The following CTNNA3 variants were observed in gnomAD, a reference collection of about 807,000 sequenced individuals.
CTNNA3 encodes catenin alpha 3.
In CTNNA3, 76 loss-of-function variants were observed where a neutral mutation model predicts 95.7. The observed-to-expected ratio is 0.79, with a 90% CI of 0.66 to 0.96. CTNNA3 has a LOEUF of 0.96. CTNNA3 is among the 40% of genes least tolerant of loss of function. The pLI, the probability that CTNNA3 is intolerant of heterozygous loss-of-function variation, is 0.00. For synonymous variants in CTNNA3, 431 were observed against 374.4 expected (o/e 1.15, Z -1.74); for missense variants, 1,191 against 1,089.8 (o/e 1.09, Z -1.31).
intron 13 of CTNNA3, among the ~76,000 whole-genome samples, chr10:66,178,210 G>A (rs959624750): frequency 2.0e-5 from 3 of 150,762 alleles, no homozygotes; most frequent in Admixed American, 6.6e-5. Context: ...AAATTTGCAG[G>A]ACTTCTGCTA....
intron 15 of CTNNA3, among the ~76,000 whole-genome samples, chr10:66,061,383 T>C (rs989230161): frequency 6.6e-6 from 1 of 152,152 alleles, no homozygotes; most frequent in East Asian, 1.9e-4. Flanking sequence ...TATGAGTTTA[T>C]TGTGTTTGAA....
intron 11 of CTNNA3, among the ~76,000 whole-genome samples, chr10:66,468,911 AT>A (rs1244582347): frequency 2.6e-5 from 4 of 151,850 alleles, no homozygotes; most frequent in African/African-American, 7.3e-5. Context: ...ATCTTCCCAT[AT>A]TTTTTGATAT....
intron 15 of CTNNA3, among the ~76,000 whole-genome samples, chr10:66,061,452 G>A (rs547096355): frequency 4.6e-5 from 7 of 152,098 alleles, no homozygotes; most frequent in South Asian, 2.1e-4. Context: ...AACTGTGGCC[G>A]GATCCATATG....
chr10:67,264,294 A>C (rs927513047), intron 5 of CTNNA3, among the ~76,000 whole-genome samples: 1 of 152,038 alleles, frequency 6.6e-6, no homozygotes, highest in Non-Finnish European at 1.5e-5. Context: ...CAGACTCCTA[A>C]GTCATTGTTG....
intron 5 of CTNNA3, among the ~76,000 whole-genome samples, chr10:67,254,428 T>C (rs1413269605): frequency 1.3e-5 from 2 of 152,162 alleles, no homozygotes; most frequent in Admixed American, 1.3e-4. Flanking sequence ...TCACCATTCT[T>C]ATTGACAATA....
intron 11 of CTNNA3, among the ~76,000 whole-genome samples, chr10:66,479,364 T>C (rs1244036054): frequency 6.6e-6 from 1 of 152,082 alleles, no homozygotes; most frequent in Non-Finnish European, 1.5e-5. Flanking sequence ...CAAGAGATTT[T>C]TGGCTTTTAT....
intron 10 of CTNNA3, among the ~76,000 whole-genome samples, chr10:66,584,803 G>A (rs182958409): frequency 1.3e-5 from 2 of 152,110 alleles, no homozygotes; most frequent in East Asian, 1.9e-4. Flanking sequence ...GCTTTCAGGA[G>A]TATTTATTCT....
chr10:66,520,575 T>C (rs766440573), intron 11 of CTNNA3, 42 bp downstream of exon 11: 6 of 1,552,720 alleles, frequency 3.9e-6, no homozygotes, highest in Non-Finnish European at 5.3e-6. Context: ...TTTTATAAAA[T>C]TGACAAGAGA....
intron 10 of CTNNA3, among the ~76,000 whole-genome samples, chr10:66,598,066 C>T (rs1382576989): frequency 6.6e-6 from 1 of 151,826 alleles, no homozygotes; most frequent in African/African-American, 2.4e-5. Flanking sequence ...TTAAAAGGAA[C>T]ATTCAACATG....
At chr10:67,525,661 A>T (rs2133169235) in intron 4 of CTNNA3, among the ~76,000 whole-genome samples, 1 of 151,680 alleles carries the variant, frequency 6.6e-6, no homozygotes, top group South Asian at 2.1e-4. Context: ...AAACAGCAGG[A>T]AAAAAAAATG....
intron 13 of CTNNA3, among the ~76,000 whole-genome samples, chr10:66,130,542 T>C (rs1384364409): frequency 6.6e-6 from 1 of 151,370 alleles, no homozygotes; most frequent in Non-Finnish European, 1.5e-5. Flanking sequence ...TACTACTGAC[T>C]CCATAGAAAT....
intron 11 of CTNNA3, among the ~76,000 whole-genome samples, chr10:66,473,762 G>T (rs1028296535): frequency 6.6e-6 from 1 of 151,820 alleles, no homozygotes; most frequent in African/African-American, 2.4e-5. Context: ...GAGAACATGC[G>T]GTGTTTGGTT....
At chr10:67,612,538 G>A (rs1843495140) in intron 2 of CTNNA3, among the ~76,000 whole-genome samples, 1 of 152,186 alleles carries the variant, frequency 6.6e-6, no homozygotes. Context: ...TTAGCAAACT[G>A]TGGGGTAAAC....
intron 5 of CTNNA3, among the ~76,000 whole-genome samples, chr10:67,442,114 G>GT (rs1364813745): frequency 5.3e-5 from 8 of 151,936 alleles, no homozygotes; most frequent in African/African-American, 1.4e-4. Context: ...TTTTCTTTTT[G>GT]TTTTTTTGTT....
chr10:66,996,219 G>C (rs1167333953), intron 7 of CTNNA3, among the ~76,000 whole-genome samples: 6 of 152,168 alleles, frequency 3.9e-5, no homozygotes, highest in Non-Finnish European at 1.5e-5. Context: ...TATAATTAGA[G>C]ATGTTAACAA....
chr10:67,260,493 C>T (rs923778546), intron 5 of CTNNA3, among the ~76,000 whole-genome samples: 30 of 152,094 alleles, frequency 2.0e-4, no homozygotes, highest in Admixed American at 1.8e-3. Context: ...ATTTAAGTGC[C>T]CAGGAAGTCT....
chr10:67,369,929 TAACCCC>T (rs903649727), intron 5 of CTNNA3, among the ~76,000 whole-genome samples: 1 of 152,182 alleles, frequency 6.6e-6, no homozygotes, highest in African/African-American at 2.4e-5. Context: ...ATATGCCCTT[TAACCCC>T]AAACTTTCAC....
chr10:67,416,739 A>T (rs1261975645), intron 5 of CTNNA3, among the ~76,000 whole-genome samples: 1 of 152,098 alleles, frequency 6.6e-6, no homozygotes, highest in African/African-American at 2.4e-5. Flanking sequence ...AGTCAAAACC[A>T]CAATGAAATT....
chr10:66,415,994 A>C (rs2093142793), intron 11 of CTNNA3, among the ~76,000 whole-genome samples: 1 of 152,210 alleles, frequency 6.6e-6, no homozygotes, highest in Admixed American at 6.5e-5. Context: ...CCTAGTAAAA[A>C]TTCAATTATT....
Sources: allele counts gnomAD v4.1 joint callset (sites outside exome capture counted in the v4.1 genomes callset), GRCh38; gene constraint gnomAD v4.1.1; transcripts MANE v1.5; gene names NCBI Gene and HGNC (gene_info 2026-07-23, HGNC 2026-07-21).